Variants in PARD3B observed in about 807,000 individuals in gnomAD.
PARD3B encodes partitioning defective 3 homolog B.
Under a neutral mutation model 130.2 loss-of-function variants are expected in PARD3B, and 103 were observed. The ratio of observed to expected loss-of-function variants is 0.79; its 90% CI spans 0.67 to 0.93. The LOEUF is 0.93. Ranked by LOEUF, PARD3B falls within the 40% of genes least tolerant of loss-of-function variation. PARD3B has a pLI of 0.00. For missense variants in PARD3B, 1,609 were observed against 1,499.2 expected, an observed-to-expected ratio of 1.07 and a Z score of -1.21; for synonymous variants, 583 against 553.2, an observed-to-expected ratio of 1.05 and a Z score of -0.76.
intron 4 of PARD3B, among the ~76,000 whole-genome samples, chr2:205,052,771 C>G (rs1383672403): frequency 6.6e-6 from 1 of 152,126 alleles, no homozygotes; most frequent in South Asian, 2.1e-4. Flanking sequence ...CATATTATCA[C>G]CTGTTTACAT....
intron 10 of PARD3B, among the ~76,000 whole-genome samples, chr2:205,141,768 G>T (rs934262207): frequency 3.9e-5 from 6 of 152,172 alleles, no homozygotes; most frequent in African/African-American, 1.4e-4. Flanking sequence ...TTTGATGATG[G>T]TGATGGTGGT....
chr2:205,476,553 T>C lies in PARD3B; in HGVS notation c.3045-23343T>C, dbSNP rs79615448. On this transcript the variant is annotated intron_variant, in intron 20 of 22. Transcript: ENST00000406610. ...CTATGTTGGGTTTGAACATGTTTTA[T>C]ATGCATAGCATGATTATTCCTGTGC... Among the ~76,000 whole-genome samples, 1,218 of 152,284 alleles carry C rather than the reference T, an allele frequency of 8.0e-3. 22 individuals are homozygous for C. Among genetic ancestry groups the C allele is most frequent in the African/African-American group, 0.027 (1,136 of 41,566 alleles).
intron 3 of PARD3B, among the ~76,000 whole-genome samples, chr2:205,033,852 T>A (rs1451489569): frequency 6.6e-6 from 1 of 152,088 alleles, no homozygotes; most frequent in Non-Finnish European, 1.5e-5. Flanking sequence ...AGATCAACTG[T>A]CAGGGCAGTA....
intron 2 of PARD3B, among the ~76,000 whole-genome samples, chr2:204,787,856 G>A (rs2042064099): frequency 6.6e-6 from 1 of 152,162 alleles, no homozygotes; most frequent in South Asian, 2.1e-4. Flanking sequence ...CCTTGGGTGG[G>A]TTGTCCCATT....
chr2:204,752,775 AAC>A (rs2040515821), intron 2 of PARD3B, among the ~76,000 whole-genome samples: 1 of 152,116 alleles, frequency 6.6e-6, no homozygotes, highest in African/African-American at 2.4e-5. Flanking sequence ...ATTCCCTGTT[AAC>A]ATCTTGACCA....
At chr2:205,058,586 A>G (rs1699876350) in intron 4 of PARD3B, among the ~76,000 whole-genome samples, 1 of 151,938 alleles carries the variant, frequency 6.6e-6, no homozygotes, top group Non-Finnish European at 1.5e-5. Flanking sequence ...GTTTCTCCAC[A>G]TCCTTGCCAA....
intron 21 of PARD3B, among the ~76,000 whole-genome samples, chr2:205,528,461 C>CCAG (rs1389106334): frequency 6.6e-6 from 1 of 152,142 alleles, no homozygotes; most frequent in African/African-American, 2.4e-5. Context: ...ATTCTCATCT[C>CCAG]CAGCCTCTTC....
chr2:205,567,481 A>ATTTTCTTT (rs1553547986), intron 22 of PARD3B, among the ~76,000 whole-genome samples: 1 of 113,518 alleles, frequency 8.8e-6, no homozygotes, highest in Admixed American at 9.5e-5. Flanking sequence ...TGCCCGGTTA[A>ATTTTCTTT]TTTTTTTTTT....
intron 1 of PARD3B, among the ~76,000 whole-genome samples, chr2:204,560,416 G>A (rs978339307): frequency 6.6e-6 from 1 of 152,122 alleles, no homozygotes; most frequent in African/African-American, 2.4e-5. Context: ...AGGCATAGAG[G>A]AGCATGGCAA....
chr2:204,902,171 A>C lies in PARD3B; in HGVS notation c.223-62981A>C, dbSNP rs573171252. 5.9e-5 allele frequency among the ~76,000 whole-genome samples: 9 copies of C among 152,306 alleles called. No homozygotes were observed. The East Asian group carries it at 1.2e-3, about 20-fold the overall frequency. The stretch of plus-strand genomic sequence containing the variant: ...TAATAACTTTTCTTTCAAAATTATC[A>C]GTTAATGTTTTACATAGAAAAGGCT... On this transcript the variant is annotated intron_variant, in intron 2 of 22. Coordinates refer to ENST00000406610, the MANE Select transcript of PARD3B (RefSeq NM_001302769.2).
chr2:205,330,078 C>T (rs990099531), intron 18 of PARD3B, among the ~76,000 whole-genome samples: 24 of 149,874 alleles, frequency 1.6e-4, no homozygotes, highest in African/African-American at 3.9e-4. Flanking sequence ...CGGTGGCTCA[C>T]GACTGTAATC....
At chr2:205,381,222 T>TATAAAGA in intron 18 of PARD3B, among the ~76,000 whole-genome samples, 1 of 116,174 alleles carries the variant, frequency 8.6e-6, no homozygotes, top group African/African-American at 3.7e-5. Context: ...GAATATATAT[T>TATAAAGA]ATATATAATA....
At chr2:205,330,297 C>T (rs1431036804) in intron 18 of PARD3B, among the ~76,000 whole-genome samples, 2 of 152,028 alleles carry the variant, frequency 1.3e-5, no homozygotes, top group African/African-American at 4.8e-5. Flanking sequence ...GCGAAGATCA[C>T]GCCATGGCAC....
chr2:205,341,122 G>A lies in PARD3B; in HGVS notation c.2630+39421G>A, dbSNP rs902863000. Among the ~76,000 whole-genome samples, 3 of 152,008 alleles carry A rather than the reference G, an allele frequency of 2.0e-5. No individual in the cohort carries two copies. Among genetic ancestry groups the A allele is most frequent in the African/African-American group, 7.2e-5 (3 of 41,432 alleles). On this transcript the variant is annotated intron_variant, in intron 18 of 22. Coordinates refer to ENST00000406610, the MANE Select transcript of PARD3B (RefSeq NM_001302769.2). The surrounding 1 kb of genome is among the most constrained non-coding windows in gnomAD (Gnocchi z 4.3). ...AAAATAAAAAATGCTAAAGAAAAGG[G>A]AACTCTTAGACACTGTTGGTGGGGA...
chr2:205,010,381 A>G (rs1008882695), intron 3 of PARD3B, among the ~76,000 whole-genome samples: 1 of 152,144 alleles, frequency 6.6e-6, no homozygotes, highest in Non-Finnish European at 1.5e-5. Flanking sequence ...CTCAAGATCT[A>G]TGCACAGCTG....
intron 22 of PARD3B, among the ~76,000 whole-genome samples, chr2:205,565,910 C>CAA (rs78064685): frequency 4.9e-3 from 313 of 63,652 alleles, no homozygotes; most frequent in African/African-American, 0.017. Flanking sequence ...CTGCCCATTA[C>CAA]AAAAAAAAAA....
intron 3 of PARD3B, among the ~76,000 whole-genome samples, chr2:205,006,526 A>T (rs567006640): frequency 1.3e-5 from 2 of 152,258 alleles, no homozygotes; most frequent in Admixed American, 6.5e-5. Context: ...GTGGAATCTC[A>T]TAGTGGTTTT....
rs35950127 is a variant in PARD3B, at chr2:205,210,719, A to AT, written c.2140+17408dup. Among the ~76,000 whole-genome samples the AT allele has an allele frequency of 8.3e-3, 1,243 of 149,658 alleles. 15 individuals are homozygous for AT. Among genetic ancestry groups the AT allele is most frequent in the African/African-American group, 0.014 (570 of 40,694 alleles). On this transcript the variant is annotated intron_variant, in intron 15 of 22. Transcript: ENST00000406610. The stretch of plus-strand genomic sequence containing the variant: ...TATATGGAAGAATCTGGGTGTCATC[A>AT]TTTTTTTTTCATTTTTGCCAGTGTT...
chr2:204,738,787 A>G (rs2039869530), intron 2 of PARD3B, among the ~76,000 whole-genome samples: 1 of 152,178 alleles, frequency 6.6e-6, no homozygotes, highest in Admixed American at 6.5e-5. Context: ...TCGGCAAATG[A>G]GCAACATCTG....
Sources: gnomAD v4.1 joint callset for allele counts (sites outside exome capture counted in the v4.1 genomes callset) on GRCh38, gnomAD v4.1.1 for gene constraint, Gnocchi (gnomAD v3.1) non-coding constraint, MANE v1.5 for transcripts, NCBI Gene and HGNC (gene_info 2026-07-23, HGNC 2026-07-21) for gene names.